The following MAP2K4 variants were observed in gnomAD, a reference collection of about 807,000 sequenced individuals.
The protein encoded by MAP2K4 is dual specificity mitogen-activated protein kinase kinase 4.
In MAP2K4, 4 loss-of-function variants were observed where a neutral mutation model predicts 48.5. That is an observed-to-expected ratio of 0.08 (90% CI 0.04 to 0.19). The LOEUF (loss-of-function observed/expected upper bound fraction) is 0.19. Ranked by LOEUF, MAP2K4 falls within the 10% of genes least tolerant of loss-of-function variation. MAP2K4 has a pLI of 1.00. For synonymous variants in MAP2K4, 166 were observed against 173.1 expected (o/e 0.96, Z 0.32); for missense variants, 258 against 493.3 (o/e 0.52, Z 4.52).
chr17:12,054,250 G>A (rs1291619813), intron 1 of MAP2K4, among the ~76,000 whole-genome samples: 1 of 152,058 alleles, frequency 6.6e-6, no homozygotes, highest in African/African-American at 2.4e-5. Context: ...TATTGTATAG[G>A]TGTATATGTA....
chr17:12,027,500 G>C (rs915106818), intron 1 of MAP2K4, among the ~76,000 whole-genome samples: 3 of 151,614 alleles, frequency 2.0e-5, no homozygotes, highest in African/African-American at 4.9e-5. Context: ...CACACACACA[G>C]ACACCAAATT....
chr17:12,137,752 A>G (rs1973250666), intron 9 of MAP2K4, among the ~76,000 whole-genome samples: 1 of 152,188 alleles, frequency 6.6e-6, no homozygotes, highest in African/African-American at 2.4e-5. Flanking sequence ...TCAGATTGAA[A>G]GTGAAGTCTC....
intron 4 of MAP2K4, 105 bp downstream of exon 4, chr17:12,095,799 T>A: frequency 7.8e-7 from 1 of 1,279,220 alleles, no homozygotes; most frequent in Non-Finnish European, 1.1e-6. Flanking sequence ...AGTAATAAGT[T>A]AATATCTCAG....
At chr17:12,061,906 A>T (rs77582090) in intron 2 of MAP2K4, among the ~76,000 whole-genome samples, 25,343 of 151,442 alleles carry the variant, frequency 0.17, 2,456 homozygotes, top group South Asian at 0.3. Flanking sequence ...GTTTTTTTTT[A>T]AATTATCTAC....
At chr17:12,097,675 T>G (rs1003932370) in intron 4 of MAP2K4, among the ~76,000 whole-genome samples, 2 of 152,236 alleles carry the variant, frequency 1.3e-5, no homozygotes, top group Non-Finnish European at 2.9e-5. Flanking sequence ...CCCAGTAATC[T>G]TCGGGATTTG....
At chr17:12,038,068 T>C (rs974837166) in intron 1 of MAP2K4, among the ~76,000 whole-genome samples, 2 of 152,116 alleles carry the variant, frequency 1.3e-5, no homozygotes, top group Admixed American at 1.3e-4. Flanking sequence ...TTGCAGAAAG[T>C]TTTCATTTAT....
intron 1 of MAP2K4, among the ~76,000 whole-genome samples, chr17:12,030,480 TA>T: frequency 6.6e-6 from 1 of 152,280 alleles, no homozygotes; most frequent in Middle Eastern, 3.4e-3. Context: ...TGTAGCTACT[TA>T]TATAGATTCT....
intron 2 of MAP2K4, chr17:12,069,892 TA>T (rs770201043): frequency 0.018 from 31 of 1,714 alleles, no homozygotes; most frequent in South Asian, 0.12. Context: ...AGATTAGTCA[TA>T]TATATATATA....
At chr17:12,059,196 A>G (rs1970374905) in intron 2 of MAP2K4, among the ~76,000 whole-genome samples, 1 of 152,230 alleles carries the variant, frequency 6.6e-6, no homozygotes, top group South Asian at 2.1e-4. Flanking sequence ...ATGAAAGATT[A>G]AACTGGATAG....
At chr17:12,117,280 G>A (rs1187306243) in intron 7 of MAP2K4, among the ~76,000 whole-genome samples, 1 of 151,952 alleles carries the variant, frequency 6.6e-6, no homozygotes, top group African/African-American at 2.4e-5. Flanking sequence ...TGCAAAGCCC[G>A]AAATGCTCCC....
At position 12,042,048 on chromosome 17, in the gene MAP2K4, G is replaced by A. The variant is rs551165329; in HGVS notation, c.116-12841G>A. On this transcript the variant is annotated intron_variant, in intron 1 of 10. Coordinates refer to ENST00000353533, the MANE Select transcript of MAP2K4 (RefSeq NM_003010.4). ...ATACAAAAATTAGCCGGGTGTGGTG[G>A]CAAGCACCTATAATCCCAGCTACTT... 2.3e-3 allele frequency among the ~76,000 whole-genome samples: 346 copies of A among 151,480 alleles called. 1 individual carries two copies. The highest frequency in any genetic ancestry group is 7.9e-3 in the African/African-American group (327 of 41,344).
At chr17:12,118,066 C>T (rs1972559035) in intron 7 of MAP2K4, among the ~76,000 whole-genome samples, 1 of 152,088 alleles carries the variant, frequency 6.6e-6, no homozygotes, top group Non-Finnish European at 1.5e-5. Flanking sequence ...ATTCAACAGA[C>T]TGGTTATAGA....
In MAP2K4 at chr17:12,119,404, G is replaced by A. The variant is rs565004842; in HGVS notation, c.814-5890G>A. Among the ~76,000 whole-genome samples, 35 of 152,306 alleles carry A rather than the reference G, an allele frequency of 2.3e-4. 1 individual carries two copies. The South Asian group carries it at 6.8e-3, about 30-fold the overall frequency. ...AGCATATGAAAAACACAATGTCACT[G>A]ATTATTGGAGAAATGCAAATCAAAA... On this transcript the variant is annotated intron_variant, in intron 7 of 10. Coordinates refer to ENST00000353533, the MANE Select transcript of MAP2K4 (RefSeq NM_003010.4).
At chr17:12,125,243 A>T (rs779580086) in intron 7 of MAP2K4, 51 bp from the exon 8 acceptor site, 1 of 1,382,336 alleles carries the variant, frequency 7.2e-7, no homozygotes, top group African/African-American at 1.4e-5. Flanking sequence ...CCATTTGCCT[A>T]TTCCTTGAGT....
At chr17:12,083,001 C>A (rs1971242304) in intron 3 of MAP2K4, among the ~76,000 whole-genome samples, 1 of 152,120 alleles carries the variant, frequency 6.6e-6, no homozygotes, top group Non-Finnish European at 1.5e-5. Flanking sequence ...TGTGTGACAT[C>A]CAGTTTTAGT....
chr17:12,112,794 T>C (rs1465197789), intron 6 of MAP2K4, among the ~76,000 whole-genome samples: 1 of 152,200 alleles, frequency 6.6e-6, no homozygotes, highest in Middle Eastern at 3.2e-3. Flanking sequence ...AGTAAATGAA[T>C]TTGTAAGCCT....
intron 8 of MAP2K4, among the ~76,000 whole-genome samples, chr17:12,127,740 G>T (rs1188347147): frequency 6.6e-6 from 1 of 152,216 alleles, no homozygotes; most frequent in Non-Finnish European, 1.5e-5. Context: ...AACCAGGAAG[G>T]TTTATGTCTT....
At chr17:12,052,758 C>T (rs759466959) in intron 1 of MAP2K4, among the ~76,000 whole-genome samples, 10 of 152,110 alleles carry the variant, frequency 6.6e-5, no homozygotes, top group Non-Finnish European at 7.4e-5. Flanking sequence ...ATTGTGATAG[C>T]AAAGTTCCTT....
Position 12,088,812 on chromosome 17 carries a change from G to A in MAP2K4, c.394-6763G>A, listed in dbSNP as rs1971468538. ...AAAAGGTGGACAACTGTCATCATAG[G>A]GAGCTTTTGATTTGCTTCTTGTCTT... is the stretch of plus-strand genomic sequence containing the variant. On this transcript the variant is annotated intron_variant, in intron 3 of 10. Coordinates refer to ENST00000353533, the MANE Select transcript of MAP2K4 (RefSeq NM_003010.4). 2.0e-5 allele frequency among the ~76,000 whole-genome samples: 3 copies of A among 151,138 alleles called. No homozygotes were observed. In the South Asian group the frequency reaches 6.3e-4, roughly 31 times the overall value.
Sources: allele counts gnomAD v4.1 joint callset (sites outside exome capture counted in the v4.1 genomes callset), GRCh38; gene constraint gnomAD v4.1.1; transcripts MANE v1.5; gene names NCBI Gene and HGNC (gene_info 2026-07-23, HGNC 2026-07-21).